The following RASSF5 variants were observed in gnomAD, a reference collection of about 807,000 sequenced individuals.
RASSF5 encodes Ras association domain family member 5, also known as ras association domain-containing protein 5.
In RASSF5, 25 loss-of-function variants were observed where a neutral mutation model predicts 40.5. That is an observed-to-expected ratio of 0.62 (90% CI 0.45 to 0.86). The LOEUF (loss-of-function observed/expected upper bound fraction) is 0.86. RASSF5 is among the 40% of genes least tolerant of loss of function. RASSF5 has a pLI of 0.00. For synonymous variants in RASSF5, 246 were observed against 252.4 expected (o/e 0.97, Z 0.24); for missense variants, 521 against 572.8 (o/e 0.91, Z 0.92).
chr1:206,586,553 ACAGAAAC>A, intron 5 of RASSF5: 2 of 313,090 alleles, frequency 6.4e-6, no homozygotes, highest in South Asian at 3.7e-5. Context: ...CGGCTGCTAC[ACAGAAAC>A]TTAAGATTAT....
intron 2 of RASSF5, among the ~76,000 whole-genome samples, chr1:206,546,089 A>ATTTTTTTTTTTTTTTTTTTTTTTTTTTT (rs10603701): frequency 8.3e-5 from 4 of 48,236 alleles, no homozygotes; most frequent in Non-Finnish European, 1.1e-4. Context: ...TTCTTTTTCT[A>ATTTTTTTTTTTTTTTTTTTTTTTTTTTT]TTTTTTTTTT....
intron 2 of RASSF5, among the ~76,000 whole-genome samples, chr1:206,568,922 A>T (rs1439354431): frequency 1.3e-5 from 2 of 152,244 alleles, no homozygotes; most frequent in African/African-American, 4.8e-5. Flanking sequence ...GCTCTGGAGC[A>T]CCAAGAGTGT....
intron 2 of RASSF5, among the ~76,000 whole-genome samples, chr1:206,549,626 C>G (rs145997270): frequency 1.2e-4 from 19 of 152,248 alleles, no homozygotes; most frequent in African/African-American, 4.6e-4. Context: ...GGAAATATTC[C>G]TGAGTTTTGT....
intron 2 of RASSF5, among the ~76,000 whole-genome samples, chr1:206,545,953 A>AT (rs369989700): frequency 0.022 from 2,808 of 125,078 alleles, 40 homozygotes; most frequent in African/African-American, 0.034. Flanking sequence ...ATATAGCTAG[A>AT]TTTTTTTTTT....
intron 1 of RASSF5, among the ~76,000 whole-genome samples, chr1:206,532,849 G>A (rs779836232): frequency 6.6e-6 from 1 of 152,120 alleles, no homozygotes; most frequent in Non-Finnish European, 1.5e-5. Context: ...CATGCAACTC[G>A]GGTGAAAGGG....
intron 1 of RASSF5, among the ~76,000 whole-genome samples, chr1:206,525,012 A>G (rs1394323956): frequency 1.3e-5 from 2 of 151,990 alleles, no homozygotes; most frequent in Non-Finnish European, 2.9e-5. Context: ...GGTGCCTGGC[A>G]GGCACTCCTC....
chr1:206,521,586 C>T (rs782579287), intron 1 of RASSF5, among the ~76,000 whole-genome samples: 5 of 152,160 alleles, frequency 3.3e-5, no homozygotes, highest in Admixed American at 6.5e-5. Context: ...ATTTGGCTGT[C>T]CTTATCTTTG....
intron 2 of RASSF5, among the ~76,000 whole-genome samples, chr1:206,547,055 G>C (rs1667712044): frequency 6.6e-6 from 1 of 152,130 alleles, no homozygotes; most frequent in Non-Finnish European, 1.5e-5. Flanking sequence ...AGGGTCATTT[G>C]AGCCCAGGAG....
chr1:206,544,894 G>GA (rs797031528), intron 2 of RASSF5: 1,558 of 139,940 alleles, frequency 0.011, 19 homozygotes, highest in African/African-American at 0.027. Flanking sequence ...AGACCCTTGA[G>GA]AAAAAAAAAA....
rs1666786960 is a variant in RASSF5 at position 206,517,719 on chromosome 1, T to A, written c.457+9660T>A. Among the ~76,000 whole-genome samples the A allele has an allele frequency of 2.0e-5, 3 of 152,144 alleles. No individual in the cohort carries two copies. In the South Asian group the frequency reaches 6.2e-4, roughly 31 times the overall value. ...GTCAGAGTGAGAGAACACCTGTGAG[T>A]ACTGTTTTGGGGCAAGAGAACAATA... On this transcript the variant is annotated intron_variant, in intron 1 of 5. Coordinates refer to ENST00000579436, the MANE Select transcript of RASSF5 (RefSeq NM_182663.4).
rs145775582 is a variant in RASSF5 at position 206,547,857 on chromosome 1, CT to C, written c.579+9572del. On this transcript the variant is annotated intron_variant, in intron 2 of 5. Transcript: ENST00000579436. Reference sequence around the variant, plus strand: ...ATTCATTTGGTTACCATTTCTGGTACTTTTTTTTCTTCTGGTAGATCCAGGT... The same window carrying C: ...ATTCATTTGGTTACCATTTCTGGTACTTTTTTTCTTCTGGTAGATCCAGGT... Among the ~76,000 whole-genome samples the C allele has an allele frequency of 8.1e-3, 1,227 of 152,090 alleles. 16 individuals carry two copies. The highest frequency in any genetic ancestry group is 0.028 in the African/African-American group (1,172 of 41,486).
At chr1:206,550,618 C>G (rs1353916249) in intron 2 of RASSF5, among the ~76,000 whole-genome samples, 1 of 152,204 alleles carries the variant, frequency 6.6e-6, no homozygotes, top group African/African-American at 2.4e-5. Flanking sequence ...TATAAAAGCA[C>G]TTGTAAACTC....
chr1:206,512,369 G>A (rs1340920739), intron 1 of RASSF5, among the ~76,000 whole-genome samples: 2 of 152,152 alleles, frequency 1.3e-5, no homozygotes, highest in Non-Finnish European at 2.9e-5. Flanking sequence ...AGGATTAAAT[G>A]TGCGCTTAAT....
intron 2 of RASSF5, among the ~76,000 whole-genome samples, chr1:206,553,703 G>C (rs1667909395): frequency 6.6e-6 from 1 of 152,192 alleles, no homozygotes; most frequent in African/African-American, 2.4e-5. Context: ...GAGAGCAGGG[G>C]TACACAGGGG....
At chr1:206,573,513 ATCC>A (rs1444439149) in intron 2 of RASSF5, among the ~76,000 whole-genome samples, 1 of 152,256 alleles carries the variant, frequency 6.6e-6, no homozygotes, top group African/African-American at 2.4e-5. Context: ...ATAAATGGAA[ATCC>A]AAGGCTCACT....
chr1:206,570,659 C>CTT (rs1472419974), intron 2 of RASSF5, among the ~76,000 whole-genome samples: 1 of 149,064 alleles, frequency 6.7e-6, no homozygotes, highest in African/African-American at 2.5e-5. Flanking sequence ...AGTATTAATC[C>CTT]TTTTGTGACT....
intron 2 of RASSF5, among the ~76,000 whole-genome samples, chr1:206,581,335 C>T (rs1432026915): frequency 6.6e-6 from 1 of 152,164 alleles, no homozygotes; most frequent in African/African-American, 2.4e-5. Flanking sequence ...CGGTGGCTCA[C>T]ACCTGTAATG....
At chr1:206,558,706 C>G (rs1668062936) in intron 2 of RASSF5, among the ~76,000 whole-genome samples, 3 of 152,134 alleles carry the variant, frequency 2.0e-5, no homozygotes, top group Admixed American at 2.0e-4. Flanking sequence ...CTGTACCTTC[C>G]AATTGTGAGA....
intron 1 of RASSF5, among the ~76,000 whole-genome samples, chr1:206,532,667 A>G (rs553751309): frequency 6.6e-6 from 1 of 152,372 alleles, no homozygotes; most frequent in Admixed American, 6.5e-5. Context: ...TTGTCCATGC[A>G]GAGTGAGAAG....
Sources: gnomAD v4.1 joint callset for allele counts (sites outside exome capture counted in the v4.1 genomes callset) on GRCh38, gnomAD v4.1.1 for gene constraint, MANE v1.5 for transcripts, NCBI Gene and HGNC (gene_info 2026-07-23, HGNC 2026-07-21) for gene names.